The following ANKS1B variants were observed in gnomAD, a reference collection of about 807,000 sequenced individuals.
ANKS1B encodes the protein ankyrin repeat and sterile alpha motif domain-containing protein 1B.
Under a neutral mutation model 148.3 loss-of-function variants are expected in ANKS1B, and 36 were observed. The observed-to-expected ratio is 0.24, with a 90% CI of 0.19 to 0.32. The LOEUF (loss-of-function observed/expected upper bound fraction) is 0.32, where lower values mean the gene tolerates loss of function less well. Ranked by LOEUF, ANKS1B falls within the 10% of genes least tolerant of loss-of-function variation. The pLI is 1.00. For missense variants in ANKS1B, 1,157 were observed against 1,542.6 expected (o/e 0.75, Z 4.19); for synonymous variants, 542 against 560.8 (o/e 0.97, Z 0.47).
At chr12:98,985,658 T>A in intron 17 of ANKS1B, among the ~76,000 whole-genome samples, 1 of 152,030 alleles carries the variant, frequency 6.6e-6, no homozygotes, top group East Asian at 1.9e-4. Flanking sequence ...CATTTTCCTC[T>A]TTTATCCTTT....
chr12:99,115,363 C>T (rs2061133853), intron 15 of ANKS1B, among the ~76,000 whole-genome samples: 1 of 152,136 alleles, frequency 6.6e-6, no homozygotes, highest in South Asian at 2.1e-4. Flanking sequence ...CAAACTAATG[C>T]AGGAACAGAA....
chr12:99,697,849 A>G (rs962711052), intron 8 of ANKS1B, among the ~76,000 whole-genome samples: 8 of 152,274 alleles, frequency 5.3e-5, no homozygotes, highest in Non-Finnish European at 8.8e-5. Context: ...GTATATGGGA[A>G]CTCTGTACTT....
chr12:98,957,178 C>T (rs1182797611), intron 17 of ANKS1B, among the ~76,000 whole-genome samples: 1 of 152,066 alleles, frequency 6.6e-6, no homozygotes, highest in African/African-American at 2.4e-5. Context: ...GGGAAAAAAG[C>T]CTCCTTTTCC....
chr12:99,775,515 A>C, intron 7 of ANKS1B, 33 bp downstream of exon 7: 7 of 1,442,190 alleles, frequency 4.9e-6, no homozygotes, highest in Non-Finnish European at 6.8e-6. Context: ...CAAGTCTAGT[A>C]TAGATTCCAG....
At chr12:99,516,411 A>G (rs2096821644) in intron 9 of ANKS1B, among the ~76,000 whole-genome samples, 2 of 152,112 alleles carry the variant, frequency 1.3e-5, no homozygotes, top group African/African-American at 4.8e-5. Context: ...ATGCACCCAT[A>G]AAAAGGAACA....
intron 14 of ANKS1B, among the ~76,000 whole-genome samples, chr12:99,168,445 G>T (rs1402032409): frequency 6.6e-6 from 1 of 151,756 alleles, no homozygotes; most frequent in African/African-American, 2.4e-5. Context: ...CTTGAACCTG[G>T]GAGGCAGAGG....
At chr12:99,317,292 A>G (rs1459249470) in intron 12 of ANKS1B, among the ~76,000 whole-genome samples, 1 of 152,162 alleles carries the variant, frequency 6.6e-6, no homozygotes, top group Non-Finnish European at 1.5e-5. Context: ...GATTCTTCCT[A>G]TCTGTGAGCA....
chr12:99,422,192 A>G (rs11609893), intron 11 of ANKS1B, among the ~76,000 whole-genome samples: 26,613 of 152,142 alleles, frequency 0.17, 2,476 homozygotes, highest in Non-Finnish European at 0.22. Flanking sequence ...GCCCTGGTGC[A>G]ATGGCATCAC....
At chr12:99,372,294 A>C (rs2093179403) in intron 12 of ANKS1B, among the ~76,000 whole-genome samples, 1 of 151,962 alleles carries the variant, frequency 6.6e-6, no homozygotes, top group Admixed American at 6.6e-5. Flanking sequence ...AAAAGAAAAA[A>C]TATGTCTTAA....
chr12:99,176,876 C>G (rs553378012), intron 14 of ANKS1B, among the ~76,000 whole-genome samples: 3 of 152,180 alleles, frequency 2.0e-5, no homozygotes, highest in Non-Finnish European at 4.4e-5. Context: ...GCTTCCTGTA[C>G]AGCCTGCAGA....
At chr12:99,324,441 C>T (rs2085917320) in intron 12 of ANKS1B, among the ~76,000 whole-genome samples, 1 of 152,096 alleles carries the variant, frequency 6.6e-6, no homozygotes, top group African/African-American at 2.4e-5. Context: ...GGGTCCTTTC[C>T]AGCATCACGA....
At position 99,406,898 on chromosome 12, in the gene ANKS1B, C is replaced by T. The variant is rs1057423692; in HGVS notation, c.1576-7087G>A. ...CTAGGAGCAAGCAGTAGTCTCCCAG[C>T]AAAGAAAAGCCCAGGATCTGATGGC... On this transcript the variant is annotated intron_variant, in intron 11 of 26. Coordinates refer to ENST00000683438, the MANE Select transcript of ANKS1B (RefSeq NM_001352186.2). Among the ~76,000 whole-genome samples, 2 of 145,574 alleles carry T rather than the reference C, an allele frequency of 1.4e-5. 1 individual carries two copies. Among genetic ancestry groups the T allele is most frequent in the East Asian group, 3.9e-4 (2 of 5,172 alleles).
At chr12:99,517,041 T>C (rs2096828409) in intron 9 of ANKS1B, among the ~76,000 whole-genome samples, 1 of 152,152 alleles carries the variant, frequency 6.6e-6, no homozygotes, top group Non-Finnish European at 1.5e-5. Context: ...CATTTTCTAT[T>C]TCTGTGAAAA....
intron 15 of ANKS1B, among the ~76,000 whole-genome samples, chr12:99,138,870 C>T (rs904552956): frequency 3.9e-5 from 6 of 152,090 alleles, no homozygotes; most frequent in Admixed American, 6.5e-5. Context: ...TCATAGATAT[C>T]TCTTCCATCT....
intron 14 of ANKS1B, among the ~76,000 whole-genome samples, chr12:99,155,496 G>T (rs1241868770): frequency 1.3e-5 from 2 of 151,680 alleles, no homozygotes; most frequent in Non-Finnish European, 1.5e-5. Flanking sequence ...ATCTACCAGG[G>T]TTACCATTCT....
intron 12 of ANKS1B, among the ~76,000 whole-genome samples, chr12:99,369,832 A>G (rs974194897): frequency 2.8e-5 from 4 of 140,680 alleles, no homozygotes; most frequent in African/African-American, 5.2e-5. Flanking sequence ...ACGGACGGAT[A>G]GACAGACAGA....
intron 25 of ANKS1B, among the ~76,000 whole-genome samples, chr12:98,752,798 G>C (rs1289743926): frequency 6.6e-6 from 1 of 151,910 alleles, no homozygotes; most frequent in Non-Finnish European, 1.5e-5. Flanking sequence ...CTGAGTCCTG[G>C]GAGCACTTCA....
chr12:98,838,170 C>T (rs1012717626), intron 17 of ANKS1B, among the ~76,000 whole-genome samples: 2 of 152,176 alleles, frequency 1.3e-5, no homozygotes, highest in African/African-American at 4.8e-5. Flanking sequence ...CTAAACATTT[C>T]CCCTATCATT....
At chr12:99,956,972 C>T (rs976916591) in intron 1 of ANKS1B, among the ~76,000 whole-genome samples, 3 of 152,178 alleles carry the variant, frequency 2.0e-5, no homozygotes, top group Non-Finnish European at 4.4e-5. Context: ...GCTACAACTA[C>T]GATTATCACT....
Sources: allele counts gnomAD v4.1 joint callset (sites outside exome capture counted in the v4.1 genomes callset), GRCh38; gene constraint gnomAD v4.1.1; transcripts MANE v1.5; gene names NCBI Gene and HGNC (gene_info 2026-07-23, HGNC 2026-07-21).